Variants in THY1 observed in about 807,000 individuals in gnomAD.
THY1 encodes the protein Thy-1 cell surface antigen.
A neutral mutation model predicts 14.9 loss-of-function variants in THY1; 10 were observed. That is an observed-to-expected ratio of 0.67 (90% confidence interval 0.41 to 1.14). The LOEUF (loss-of-function observed/expected upper bound fraction) is 1.14. Ranked by LOEUF, THY1 falls within the 50% of genes most tolerant of loss-of-function variation. The pLI is 0.00. For missense variants in THY1, 159 were observed against 202.1 expected (o/e 0.79, Z 1.29); for synonymous variants, 80 against 90.0 (o/e 0.89, Z 0.63).
At chr11:119,424,809 AC>A (rs1210621732), upstream of THY1, 1 of 151,988 alleles carries the variant, frequency 6.6e-6, no homozygotes, top group Non-Finnish European at 1.5e-5. Context: ...TTTGTAGGAT[AC>A]TTTTTAAGGC....
upstream of THY1, chr11:119,423,305 A>G: frequency 5.1e-6 from 2 of 392,304 alleles, no homozygotes; most frequent in Non-Finnish European, 1.0e-5. Flanking sequence ...TGGGGAAGGA[A>G]GAGAAGGCGG....
At chr11:119,423,462 G>T, upstream of THY1, 1 of 348,376 alleles carries the variant, frequency 2.9e-6, no homozygotes, top group South Asian at 2.1e-5. Flanking sequence ...CCTGAGCCCC[G>T]CAATGGTTGT....
Position 119,417,344 on chromosome 11 carries a change from TG to T in THY1, c.*2063del, listed in dbSNP as rs1370420500. 4 of 152,380 alleles carry T rather than the reference TG, an allele frequency of 2.6e-5. No homozygotes were observed. Among genetic ancestry groups the T allele is most frequent in the Admixed American group, 1.3e-4 (2 of 15,284 alleles). The allele number at this position is 152,380 out of a possible 1,614,324, so 9.4% of individuals were successfully genotyped here. A position where few individuals can be genotyped will look rare whatever the true frequency, so the allele number is the denominator to read the frequency against. On this transcript the variant is annotated 3_prime_UTR_variant, in exon 4 of 4. Transcript: ENST00000284240. ...GGGGTGGAAGGCAAGGCAGAGAAGT[TG>T]ACGGGAGGTAGCAAGAGTGGGAGCC...
In THY1 at chr11:119,418,720, C is replaced by A. The variant is rs1395451715; in HGVS notation, c.*688G>T. 6.5e-6 allele frequency: 1 copy of A among 153,486 alleles called. No individual in the cohort carries two copies. The highest frequency in any genetic ancestry group is 2.4e-5 in the African/African-American group (1 of 41,468). The allele number at this position is 153,486 out of a possible 1,614,324, so 9.5% of individuals were successfully genotyped here. A position where few individuals can be genotyped will look rare whatever the true frequency, so the allele number is the denominator to read the frequency against. On this transcript the variant is annotated 3_prime_UTR_variant, in exon 4 of 4. Coordinates refer to ENST00000284240, the MANE Select transcript of THY1 (RefSeq NM_006288.5). ...CTCCTTCTCCAACCCTCCACTAGCG[C>A]TGCTTTCCTGGTCAAACCTGCATCT...
upstream of THY1, among the ~76,000 whole-genome samples, chr11:119,424,339 A>G (rs1158953224): frequency 6.6e-6 from 1 of 152,086 alleles, no homozygotes; most frequent in Non-Finnish European, 1.5e-5. Flanking sequence ...TATTTGATTG[A>G]TTTGTATCCT....
At position 119,419,440 on chromosome 11, in the gene THY1, G is replaced by A. The variant is rs1861849795; in HGVS notation, c.454C>T (p.Leu152Phe). ...GACATGAAATCCGTGGCCTGGAGGA[G>A]GGAGAGGGAGAGCAGGAGCAGCAGC... ...WLLLLLLSLS[L>F]LQATDFMSL The change falls in exon 4 of 4, where the codon CTC becomes TTC. Residue 152 changes from leucine to phenylalanine, a missense_variant. Transcript: ENST00000284240. The A allele has an allele frequency of 6.8e-6, 11 of 1,614,046 alleles. No homozygotes were observed. Among genetic ancestry groups the A allele is most frequent in the Middle Eastern group, 1.7e-4 (1 of 6,042 alleles).
chr11:119,419,619 G>T (rs1373530553), intron 3 of THY1, 99 bp from the exon 4 acceptor site: 2 of 908,484 alleles, frequency 2.2e-6, no homozygotes, highest in African/African-American at 1.6e-5. Context: ...CCCTTTGGGA[G>T]GTGGGTACTG....
chr11:119,419,699 C>A, intron 3 of THY1, 179 bp from the exon 4 acceptor site: 1 of 620,144 alleles, frequency 1.6e-6, no homozygotes, highest in East Asian at 2.8e-5. Flanking sequence ...TTGCAGATTA[C>A]TGATCTCTTG....
intron 2 of THY1, chr11:119,420,622 A>G: frequency 1.6e-6 from 1 of 629,268 alleles, no homozygotes; most frequent in African/African-American, 1.8e-5. Context: ...TAGGGAGTTG[A>G]TGCTGGTTCC....
rs185116789 is a variant in THY1 at position 119,416,565 on chromosome 11, C to T, written c.*2843G>A. ...TCTTGGCTCACTGCAACCTCCGCCT[C>T]CCGGGTTCAAGTGATTCTCCTGCCT... On this transcript the variant is annotated 3_prime_UTR_variant, in exon 4 of 4. Transcript: ENST00000284240. 6.3e-4 allele frequency among the ~76,000 whole-genome samples: 96 copies of T among 152,328 alleles called. No homozygotes were observed. Among genetic ancestry groups the T allele is most frequent in the African/African-American group, 2.1e-3 (87 of 41,578 alleles).
chr11:119,417,533 CT>C lies in THY1; in HGVS notation c.*1874del, dbSNP rs1254276676. On this transcript the variant is annotated 3_prime_UTR_variant, in exon 4 of 4. Coordinates refer to ENST00000284240, the MANE Select transcript of THY1 (RefSeq NM_006288.5). ...CTGGCTTGGGGCTGCCTCTCTGACT[CT>C]GACAGCAGTTGGAACCCACAGCTAC... 6.6e-6 allele frequency: 1 copy of C among 152,216 alleles called. No individual in the cohort carries two copies. Among genetic ancestry groups the C allele is most frequent in the Non-Finnish European group, 1.5e-5 (1 of 68,046 alleles). The allele number at this position is 152,216 out of a possible 1,614,324, so 9.4% of individuals were successfully genotyped here. A position where few individuals can be genotyped will look rare whatever the true frequency, so the allele number is the denominator to read the frequency against.
At position 119,415,954 on chromosome 11, in the gene THY1, C is replaced by G. The variant is rs545084237; in HGVS notation, c.*3454G>C. ...CACATGTAAAGACACCTTCACAGCA[C>G]GAAAGCTGCAGATTCAGAGAGGGAC... is the stretch of plus-strand genomic sequence containing the variant. On this transcript the variant is annotated 3_prime_UTR_variant, in exon 4 of 4. Transcript: ENST00000284240. Among the ~76,000 whole-genome samples the G allele has an allele frequency of 6.6e-6, 1 of 152,150 alleles. No individual in the cohort carries two copies. Among genetic ancestry groups the G allele is most frequent in the Non-Finnish European group, 1.5e-5 (1 of 68,034 alleles).
chr11:119,416,513 C>G lies in THY1; in HGVS notation c.*2895G>C, dbSNP rs550815451. 6.6e-6 allele frequency among the ~76,000 whole-genome samples: 1 copy of G among 152,252 alleles called. No individual in the cohort carries two copies. Among genetic ancestry groups the G allele is most frequent in the South Asian group, 2.1e-4 (1 of 4,816 alleles). ...TTTTTGAGATGGAGTCTCACTCTATCTCCCAGGCTGGAGTGCAGTGGTGCA... is the reference window on the plus strand; with the variant it reads ...TTTTTGAGATGGAGTCTCACTCTATGTCCCAGGCTGGAGTGCAGTGGTGCA... On this transcript the variant is annotated 3_prime_UTR_variant, in exon 4 of 4. Coordinates refer to ENST00000284240, the MANE Select transcript of THY1 (RefSeq NM_006288.5).
chr11:119,422,612 G>C lies in THY1; in HGVS notation c.-25+501C>G, dbSNP rs1861929497. On this transcript the variant is annotated intron_variant, in intron 1 of 3. Coordinates refer to ENST00000284240, the MANE Select transcript of THY1 (RefSeq NM_006288.5). The surrounding 1 kb of genome is among the most constrained non-coding windows in gnomAD (Gnocchi z 7.0). Reference sequence around the variant, plus strand: ...TCCTTTTCCAGCTCTCCCCTCCCCCGTCCGCCCGCCTTCCACCCAGTCCCC... The same window carrying C: ...TCCTTTTCCAGCTCTCCCCTCCCCCCTCCGCCCGCCTTCCACCCAGTCCCC... 4.1e-5 allele frequency: 6 copies of C among 146,546 alleles called. No homozygotes were observed. The highest frequency in any genetic ancestry group is 3.6e-4 in the South Asian group (2 of 5,630). 9.1% of individuals were successfully genotyped at this position (146,546 alleles called of 1,614,324 possible).
At chr11:119,424,833 G>C (rs1290659408), upstream of THY1, 3 of 152,348 alleles carry the variant, frequency 2.0e-5, no homozygotes, top group Non-Finnish European at 4.4e-5. Context: ...TGAATGTCCT[G>C]GCCCCTGGCT....
intron 2 of THY1, 112 bp from the exon 3 acceptor site, chr11:119,420,498 C>A (rs1219442760): frequency 9.4e-7 from 1 of 1,059,364 alleles, no homozygotes. Context: ...GGTCTGCTCT[C>A]TGAGTGCCTT....
chr11:119,420,181 G>C lies in THY1; in HGVS notation c.243C>G (p.Thr81=). The change falls in exon 3 of 4, where the codon ACC becomes ACG. Residue 81 remains threonine, a synonymous_variant. Coordinates refer to ENST00000284240, the MANE Select transcript of THY1 (RefSeq NM_006288.5). ...AGAGGACCTTCATGTTGTATTTGCT[G>C]GTGAAGTTGGTTCGGGAGCGGTATG... ...EHTYRSRTNF[T]SKYNMKVLYL... 6.2e-7 allele frequency: 1 copy of C among 1,614,258 alleles called. No homozygotes were observed. The highest frequency in any genetic ancestry group is 8.5e-7 in the Non-Finnish European group (1 of 1,180,044).
chr11:119,423,225 G>GGGGAGCC, upstream of THY1: 1 of 451,286 alleles, frequency 2.2e-6, no homozygotes, highest in South Asian at 1.6e-5. Flanking sequence ...GAGGGGGAGC[G>GGGGAGCC]GGGAGCCGGG....
At chr11:119,421,666 A>T (rs1254180115) in intron 1 of THY1, 8 of 152,254 alleles carry the variant, frequency 5.3e-5, no homozygotes, top group Non-Finnish European at 1.5e-5. Context: ...ACTGCTTCAT[A>T]TACGTGAGAC....
Sources: gnomAD v4.1 joint callset for allele counts (sites outside exome capture counted in the v4.1 genomes callset) on GRCh38, gnomAD v4.1.1 for gene constraint, Gnocchi (gnomAD v3.1) non-coding constraint, MANE v1.5 for transcripts, NCBI Gene and HGNC (gene_info 2026-07-23, HGNC 2026-07-21) for gene names.